ZMAT4: variants seen among roughly 807,000 people sequenced by gnomAD.
ZMAT4 encodes the protein zinc finger matrin-type protein 4.
A neutral mutation model predicts 28.7 loss-of-function variants in ZMAT4; 17 were observed. The ratio of observed to expected loss-of-function variants is 0.59; its 90% CI spans 0.41 to 0.89. The LOEUF is 0.89. ZMAT4 is among the 40% of genes least tolerant of loss of function. The pLI is 0.00. For synonymous variants in ZMAT4, 117 were observed against 109.2 expected (o/e 1.07, Z -0.44); for missense variants, 240 against 283.8 (o/e 0.85, Z 1.11).
intron 5 of ZMAT4, among the ~76,000 whole-genome samples, chr8:40,603,277 G>C (rs1805460120): frequency 6.6e-6 from 1 of 152,130 alleles, no homozygotes. Context: ...TGTTCCATTG[G>C]TCTATGTGCC....
At chr8:40,684,523 GA>G (rs1173463805) in intron 4 of ZMAT4, among the ~76,000 whole-genome samples, 1 of 152,156 alleles carries the variant, frequency 6.6e-6, no homozygotes, top group Non-Finnish European at 1.5e-5. Flanking sequence ...CCTGGGAACT[GA>G]AACCAGCTTT....
chr8:40,562,341 T>A (rs1226483474), intron 6 of ZMAT4, among the ~76,000 whole-genome samples: 1 of 152,166 alleles, frequency 6.6e-6, no homozygotes, highest in Non-Finnish European at 1.5e-5. Flanking sequence ...TCAATGATTA[T>A]CAGTGGTTCC....
At chr8:40,879,497 A>C (rs1337128184) in intron 1 of ZMAT4, among the ~76,000 whole-genome samples, 1 of 152,206 alleles carries the variant, frequency 6.6e-6, no homozygotes, top group Non-Finnish European at 1.5e-5. Flanking sequence ...ATCAGGGAGG[A>C]GTAAAAAACG....
chr8:40,672,244 T>G (rs1808704842), intron 5 of ZMAT4, among the ~76,000 whole-genome samples: 1 of 152,194 alleles, frequency 6.6e-6, no homozygotes, highest in Non-Finnish European at 1.5e-5. Flanking sequence ...ATGCCTATAT[T>G]TATGGATTAG....
At chr8:40,614,236 G>T (rs972670856) in intron 5 of ZMAT4, among the ~76,000 whole-genome samples, 19 of 152,136 alleles carry the variant, frequency 1.2e-4, no homozygotes, top group African/African-American at 4.6e-4. Flanking sequence ...GGAAGCCCAG[G>T]ACTAAGAACA....
At chr8:40,708,782 C>T (rs913591260) in intron 3 of ZMAT4, among the ~76,000 whole-genome samples, 1 of 150,838 alleles carries the variant, frequency 6.6e-6, no homozygotes, top group African/African-American at 2.4e-5. Flanking sequence ...CCCGAGTAGC[C>T]GGAATCACAG....
At chr8:40,665,746 T>C (rs1330988972) in intron 5 of ZMAT4, among the ~76,000 whole-genome samples, 1 of 152,172 alleles carries the variant, frequency 6.6e-6, no homozygotes, top group Admixed American at 6.5e-5. Flanking sequence ...GGGTGGTCAA[T>C]GATGAATCAC....
At chr8:40,881,611 AAGAG>A (rs949551950) in intron 1 of ZMAT4, among the ~76,000 whole-genome samples, 119 of 148,164 alleles carry the variant, frequency 8.0e-4, no homozygotes, top group Non-Finnish European at 3.0e-4. Context: ...AAGAAAAGAA[AAGAG>A]AGAGAGAAAG....
At chr8:40,654,392 A>G (rs541399244) in intron 5 of ZMAT4, among the ~76,000 whole-genome samples, 2 of 152,302 alleles carry the variant, frequency 1.3e-5, no homozygotes, top group South Asian at 2.1e-4. Flanking sequence ...CATCACATAC[A>G]TAAAGCTCAT....
rs760349043 is a variant in ZMAT4 at position 40,581,194 on chromosome 8, G to T, written c.645C>A (p.Ala215=). 2 of 1,613,346 alleles carry T rather than the reference G, an allele frequency of 1.2e-6. No individual in the cohort carries two copies. Among genetic ancestry groups the T allele is most frequent in the South Asian group, 1.1e-5 (1 of 91,044 alleles). ...VSLNSIEQYH[A]HLKGSKHQTN... Reference sequence around the variant, plus strand: ...TCTGGTGTTTAGATCCTTTCAGATGGGCATGATACTGTTCTATTGAGTTTA... The same window carrying T: ...TCTGGTGTTTAGATCCTTTCAGATGTGCATGATACTGTTCTATTGAGTTTA... The change falls in exon 6 of 7, where the codon GCC becomes GCA. Residue 215 remains alanine, a synonymous_variant. Transcript: ENST00000297737.
intron 5 of ZMAT4, among the ~76,000 whole-genome samples, chr8:40,592,013 C>A (rs1047961002): frequency 1.3e-5 from 2 of 151,994 alleles, no homozygotes; most frequent in African/African-American, 4.8e-5. Context: ...ATAGAAGAAC[C>A]CTGTTTCTTT....
chr8:40,635,371 C>G (rs1448795746), intron 5 of ZMAT4, among the ~76,000 whole-genome samples: 1 of 152,068 alleles, frequency 6.6e-6, no homozygotes, highest in Non-Finnish European at 1.5e-5. Flanking sequence ...CCTAACAATC[C>G]CCTGTTGCCT....
At chr8:40,759,204 C>G (rs1361606570) in intron 3 of ZMAT4, among the ~76,000 whole-genome samples, 1 of 147,898 alleles carries the variant, frequency 6.8e-6, no homozygotes. Context: ...ATCACTTGAA[C>G]CTGGGAGGTG....
At chr8:40,749,091 C>T (rs1034972773) in intron 3 of ZMAT4, among the ~76,000 whole-genome samples, 1 of 152,118 alleles carries the variant, frequency 6.6e-6, no homozygotes, top group African/African-American at 2.4e-5. Context: ...CATCTTCTAC[C>T]ATGATTGTGA....
At position 40,657,695 on chromosome 8, in the gene ZMAT4, G is replaced by A. The variant is rs188016152; in HGVS notation, c.577+17009C>T. Among the ~76,000 whole-genome samples, 5 of 152,216 alleles carry A rather than the reference G, an allele frequency of 3.3e-5. No homozygotes were observed. In the East Asian group the frequency reaches 9.7e-4, roughly 29 times the overall value. On this transcript the variant is annotated intron_variant, in intron 5 of 6. Coordinates refer to ENST00000297737, the MANE Select transcript of ZMAT4 (RefSeq NM_024645.3). ...GAAATTGTGACTTTAATGAGACAATGTATAAAGAAATGATTTTTTTCTCAT... is the reference window on the plus strand; with the variant it reads ...GAAATTGTGACTTTAATGAGACAATATATAAAGAAATGATTTTTTTCTCAT...
intron 1 of ZMAT4, among the ~76,000 whole-genome samples, chr8:40,867,876 C>T (rs185408402): frequency 6.6e-6 from 1 of 152,094 alleles, no homozygotes; most frequent in Admixed American, 6.5e-5. Context: ...CACACATTTG[C>T]TTATGTAACA....
chr8:40,850,872 A>G (rs7827409), intron 1 of ZMAT4, among the ~76,000 whole-genome samples: 14,976 of 152,274 alleles, frequency 0.098, 820 homozygotes, highest in Non-Finnish European at 0.12. Context: ...GCACTTAAAA[A>G]TCATTGAGAT....
intron 1 of ZMAT4, among the ~76,000 whole-genome samples, chr8:40,882,430 C>T (rs559291836): frequency 9.9e-5 from 15 of 152,228 alleles, no homozygotes; most frequent in Non-Finnish European, 2.1e-4. Flanking sequence ...AAACCCTGGC[C>T]GGCAATATTT....
chr8:40,713,408 A>C (rs968528121), intron 3 of ZMAT4, among the ~76,000 whole-genome samples: 1 of 152,138 alleles, frequency 6.6e-6, no homozygotes, highest in Non-Finnish European at 1.5e-5. Context: ...ATATCAAGAA[A>C]TAACACGAAG....
Sources: gnomAD v4.1 joint callset for allele counts (sites outside exome capture counted in the v4.1 genomes callset) on GRCh38, gnomAD v4.1.1 for gene constraint, MANE v1.5 for transcripts, NCBI Gene and HGNC (gene_info 2026-07-23, HGNC 2026-07-21) for gene names.